Variants in NCALD observed in about 807,000 individuals in gnomAD.
NCALD encodes the protein neurocalcin-delta.
Under a neutral mutation model 18.6 loss-of-function variants are expected in NCALD, and 10 were observed. The observed-to-expected ratio is 0.54, with a 90% confidence interval of 0.33 to 0.91. The LOEUF (loss-of-function observed/expected upper bound fraction) is 0.91. Ranked by LOEUF, NCALD falls within the 40% of genes least tolerant of loss-of-function variation. The pLI is 0.03. For synonymous variants in NCALD, 88 were observed against 87.4 expected (o/e 1.01, Z -0.04); for missense variants, 184 against 247.6 (o/e 0.74, Z 1.72).
At chr8:101,947,536 G>A (rs1453513538) in intron 2 of NCALD, among the ~76,000 whole-genome samples, 1 of 152,150 alleles carries the variant, frequency 6.6e-6, no homozygotes, top group Non-Finnish European at 1.5e-5. Flanking sequence ...AGTTAATAAT[G>A]TAAAAAAGAC....
At chr8:101,903,850 C>T (rs1817520215) in intron 3 of NCALD, among the ~76,000 whole-genome samples, 1 of 152,208 alleles carries the variant, frequency 6.6e-6, no homozygotes, top group South Asian at 2.1e-4. Context: ...AGAAGGGTGC[C>T]TGGGGTTAGT....
At chr8:101,870,909 C>CCCCCCCA (rs1554649158) in intron 4 of NCALD, among the ~76,000 whole-genome samples, 1 of 81,482 alleles carries the variant, frequency 1.2e-5, no homozygotes, top group African/African-American at 5.0e-5. Flanking sequence ...CCCCCCCCCC[C>CCCCCCCA]AAAAAAAGAG....
chr8:101,723,190 C>T (rs923295610), intron 1 of NCALD, among the ~76,000 whole-genome samples: 1 of 148,294 alleles, frequency 6.7e-6, no homozygotes, highest in Non-Finnish European at 1.5e-5. Flanking sequence ...TTCATAACTC[C>T]AGTCAGTCAT....
At chr8:101,729,536 G>A (rs59738602) in intron 1 of NCALD, among the ~76,000 whole-genome samples, 2,394 of 152,244 alleles carry the variant, frequency 0.016, 58 homozygotes, top group African/African-American at 0.055. Flanking sequence ...CTATGTGAAG[G>A]GTCATGGCCT....
chr8:101,781,537 T>C (rs751176805), intron 1 of NCALD, among the ~76,000 whole-genome samples: 3 of 152,168 alleles, frequency 2.0e-5, no homozygotes, highest in African/African-American at 7.2e-5. Context: ...TAGCAAGTGA[T>C]GTTTTGTAAG....
At chr8:102,033,923 G>A (rs1173152090) in intron 1 of NCALD, among the ~76,000 whole-genome samples, 1 of 151,764 alleles carries the variant, frequency 6.6e-6, no homozygotes, top group Non-Finnish European at 1.5e-5. Flanking sequence ...GAGTTGATAC[G>A]GGAAGAAAGA....
chr8:101,996,205 A>G (rs1301179873), intron 2 of NCALD, among the ~76,000 whole-genome samples: 1 of 152,254 alleles, frequency 6.6e-6, no homozygotes, highest in Admixed American at 6.5e-5. Context: ...AATTCTAAAT[A>G]GACAGTTTCA....
chr8:102,096,931 A>G (rs1236462594), intron 1 of NCALD, among the ~76,000 whole-genome samples: 1 of 152,200 alleles, frequency 6.6e-6, no homozygotes, highest in Non-Finnish European at 1.5e-5. Context: ...AGATGACCTC[A>G]TTTTACCGTA....
intron 2 of NCALD, among the ~76,000 whole-genome samples, chr8:101,702,076 G>A (rs1225245049): frequency 6.6e-6 from 1 of 152,040 alleles, no homozygotes; most frequent in African/African-American, 2.4e-5. Context: ...GAGACAAGCA[G>A]GAGCCCCACG....
intron 1 of NCALD, among the ~76,000 whole-genome samples, chr8:102,024,131 A>G (rs1822375767): frequency 6.6e-6 from 1 of 152,226 alleles, no homozygotes; most frequent in Admixed American, 6.5e-5. Flanking sequence ...TGAATGGGAA[A>G]AAAACAGAAC....
chr8:101,874,028 C>A (rs1816126406), intron 4 of NCALD, among the ~76,000 whole-genome samples: 2 of 152,192 alleles, frequency 1.3e-5, no homozygotes, highest in Admixed American at 6.5e-5. Context: ...AGAACTTAGA[C>A]CTCAAACATG....
In NCALD at chr8:101,688,428, A is replaced by T. The variant is rs1444707613; in HGVS notation, c.*881T>A. ...CAGATATGACTTCCAAACAAGACAG[A>T]CATTCATTATAGTTGTCTTACTTCA... is the stretch of plus-strand genomic sequence containing the variant. On this transcript the variant is annotated 3_prime_UTR_variant, in exon 4 of 4. Transcript: ENST00000220931. 8 of 277,648 alleles carry T rather than the reference A, an allele frequency of 2.9e-5. No homozygotes were observed. The highest frequency in any genetic ancestry group is 5.8e-5 in the Non-Finnish European group (8 of 138,738). The allele number at this position is 277,648 out of a possible 1,614,324, so 17.2% of individuals were successfully genotyped here.
At chr8:102,090,624 T>G (rs950941387) in intron 1 of NCALD, among the ~76,000 whole-genome samples, 2 of 152,228 alleles carry the variant, frequency 1.3e-5, no homozygotes, top group Non-Finnish European at 2.9e-5. Flanking sequence ...TGAATCTTTT[T>G]GTTTTCCAGA....
chr8:102,004,683 T>C (rs574978680), intron 2 of NCALD, among the ~76,000 whole-genome samples: 142 of 152,078 alleles, frequency 9.3e-4, no homozygotes, highest in African/African-American at 3.3e-3. Flanking sequence ...AAAACAGAGA[T>C]ACAGACCAAT....
At chr8:102,102,797 A>G (rs984754421) in intron 1 of NCALD, among the ~76,000 whole-genome samples, 3 of 151,890 alleles carry the variant, frequency 2.0e-5, no homozygotes, top group African/African-American at 7.3e-5. Flanking sequence ...GAGAGGAGAG[A>G]GAGAGGGGTG....
intron 2 of NCALD, among the ~76,000 whole-genome samples, chr8:101,994,349 T>C (rs1339598829): frequency 1.3e-5 from 2 of 152,188 alleles, no homozygotes; most frequent in Admixed American, 1.3e-4. Context: ...CACAGCTCTC[T>C]GATTCTACAC....
chr8:102,100,659 A>C (rs1347846092), intron 1 of NCALD, among the ~76,000 whole-genome samples: 1 of 152,254 alleles, frequency 6.6e-6, no homozygotes, highest in African/African-American at 2.4e-5. Flanking sequence ...CCAAACGTTC[A>C]CCAACAGATG....
chr8:101,878,266 T>C (rs560710974), intron 4 of NCALD, among the ~76,000 whole-genome samples: 2 of 152,384 alleles, frequency 1.3e-5, no homozygotes, highest in African/African-American at 4.8e-5. Flanking sequence ...AGCACTGTCA[T>C]GTAATTTATT....
chr8:101,727,199 C>T (rs966348902), intron 1 of NCALD, among the ~76,000 whole-genome samples: 4 of 152,216 alleles, frequency 2.6e-5, no homozygotes, highest in African/African-American at 9.7e-5. Flanking sequence ...ACTGCTCTCT[C>T]TAAAGCACTG....
Sources: gnomAD v4.1 joint callset for allele counts (sites outside exome capture counted in the v4.1 genomes callset) on GRCh38, gnomAD v4.1.1 for gene constraint, MANE v1.5 for transcripts, NCBI Gene and HGNC (gene_info 2026-07-23, HGNC 2026-07-21) for gene names.